SHPRH: variants seen among roughly 807,000 people sequenced by gnomAD.
SHPRH encodes SNF2 histone linker PHD RING helicase.
A neutral mutation model predicts 202.5 loss-of-function variants in SHPRH; 106 were observed. That is an observed-to-expected ratio of 0.52 (90% CI 0.45 to 0.62). The LOEUF (loss-of-function observed/expected upper bound fraction) is 0.62, where lower values mean the gene tolerates loss of function less well. SHPRH is among the 20% of genes least tolerant of loss of function. SHPRH has a pLI of 0.00. For missense variants in SHPRH, 1,710 were observed against 2,020.0 expected, an observed-to-expected ratio of 0.85 and a Z score of 2.94; for synonymous variants, 729 against 686.0, an observed-to-expected ratio of 1.06 and a Z score of -0.98.
chr6:145,947,677 G>C (rs780219642), intron 5 of SHPRH, 34 bp from the exon 6 acceptor site: 1 of 1,605,582 alleles, frequency 6.2e-7, no homozygotes, highest in African/African-American at 1.3e-5. Context: ...CACATCATAG[G>C]AATGTGAATA....
chr6:145,943,634 A>G lies in SHPRH; in HGVS notation c.1747T>C (p.Ser583Pro). ...GGTTGACTTTTTCCTTTTTTTGTGG[A>G]TGGAACAAGCTTTTTCCTCAATTTA... The part of the protein sequence containing the change: ...RSKLRKKLVP[S>P]TKKGKSQPFI... The change falls in exon 9 of 30, where the codon TCC becomes CCC. Residue 583 changes from serine to proline, a missense_variant. Coordinates refer to ENST00000275233, the MANE Select transcript of SHPRH (RefSeq NM_001042683.3). 11 of 1,613,774 alleles carry G rather than the reference A, an allele frequency of 6.8e-6. No individual in the cohort carries two copies. The highest frequency in any genetic ancestry group is 8.5e-6 in the Non-Finnish European group (10 of 1,179,852).
chr6:145,887,364 C>T (rs1265312537), intron 29 of SHPRH, among the ~76,000 whole-genome samples: 1 of 151,894 alleles, frequency 6.6e-6, no homozygotes, highest in Admixed American at 6.6e-5. Context: ...CTACCTACCT[C>T]CTAAAGATGT....
chr6:145,862,310 C>T (rs958164467), downstream of SHPRH, among the ~76,000 whole-genome samples: 9 of 151,876 alleles, frequency 5.9e-5, no homozygotes, highest in African/African-American at 1.4e-4. Flanking sequence ...AAAAATTAGC[C>T]GGGCGCGGTG....
At position 145,950,471 on chromosome 6, in the gene SHPRH, C is replaced by G; in HGVS notation, c.775G>C (p.Glu259Gln). ...TCACTCTCCGGATCATCTTCATCCT[C>G]TTCCAACACATCTGTACATCACACA... ...HNSIIPDVLE[E>Q]DEDDPESEPE... Residue 259 changes from glutamate (E) to glutamine (Q), a missense_variant, in exon 4 of 30, where the codon GAG becomes CAG. By Grantham distance (29) the Glu-to-Gln change is conservative. Transcript: ENST00000275233. The G allele has an allele frequency of 6.2e-7, 1 of 1,612,816 alleles. No homozygotes were observed. Among genetic ancestry groups the G allele is most frequent in the African/African-American group, 1.3e-5 (1 of 74,958 alleles).
chr6:145,928,662 G>A (rs1175117140), intron 14 of SHPRH, among the ~76,000 whole-genome samples: 1 of 151,854 alleles, frequency 6.6e-6, no homozygotes, highest in African/African-American at 2.4e-5. Flanking sequence ...CCCTTTTTAA[G>A]TGTGTAGTTC....
downstream of SHPRH, among the ~76,000 whole-genome samples, chr6:145,862,875 T>C (rs1779630648): frequency 6.6e-6 from 1 of 152,212 alleles, no homozygotes; most frequent in African/African-American, 2.4e-5. Context: ...AGGTATAAGG[T>C]TACTTCTTTT....
At chr6:145,949,480 T>C (rs1197284564) in intron 4 of SHPRH, among the ~76,000 whole-genome samples, 2 of 151,998 alleles carry the variant, frequency 1.3e-5, no homozygotes, top group Non-Finnish European at 2.9e-5. Flanking sequence ...GTGAAGTAAC[T>C]CTGGAACAGA....
intron 21 of SHPRH, among the ~76,000 whole-genome samples, chr6:145,920,801 T>C (rs1480683645): frequency 6.6e-6 from 1 of 152,058 alleles, no homozygotes; most frequent in Non-Finnish European, 1.5e-5. Flanking sequence ...TGTTCCCCAA[T>C]CTTTAAGGTA....
intron 14 of SHPRH, among the ~76,000 whole-genome samples, chr6:145,929,175 A>T (rs1175027821): frequency 1.3e-5 from 2 of 151,960 alleles, no homozygotes; most frequent in African/African-American, 4.8e-5. Flanking sequence ...ATTAAAAAAA[A>T]ACCCATATTC....
At position 145,926,204 on chromosome 6, in the gene SHPRH, C is replaced by G; in HGVS notation, c.3294G>C (p.Glu1098Asp). Residue 1098 changes from glutamate (E) to aspartate (D), a missense_variant and splice_region_variant, in exon 16 of 30, where the codon GAG becomes GAC. By Grantham distance (45) the Glu-to-Asp change is conservative (BLOSUM62 2). Coordinates refer to ENST00000275233, the MANE Select transcript of SHPRH (RefSeq NM_001042683.3). ...TAGACAGAATGAAAAAAATAATTAC[C>G]TCTTCCTCAAGTCGGCCATCACGCA... Reference protein sequence around the residue: ...PTLRDGRLEEEAKQLREHYMS... With the variant: ...PTLRDGRLEEDAKQLREHYMS... 6.2e-7 allele frequency: 1 copy of G among 1,612,106 alleles called. No individual in the cohort carries two copies. The highest frequency in any genetic ancestry group is 8.5e-7 in the Non-Finnish European group (1 of 1,178,780).
Position 145,886,357 on chromosome 6 carries a change from A to G in SHPRH, c.*334T>C. 1 of 628,158 alleles carries G rather than the reference A, an allele frequency of 1.6e-6. No individual in the cohort carries two copies. The highest frequency in any genetic ancestry group is 2.9e-6 in the Non-Finnish European group (1 of 346,194). The allele number at this position is 628,158 out of a possible 1,614,324, so 38.9% of individuals were successfully genotyped here. A position where few individuals can be genotyped will look rare whatever the true frequency, so the allele number is the denominator to read the frequency against. On this transcript the variant is annotated 3_prime_UTR_variant, in exon 30 of 30. Transcript: ENST00000275233. ...TAAAACTAGACTAGTTTACTTTCTT[A>G]TTCCAACTGTTTTATGAGTGATCTT...
intron 25 of SHPRH, chr6:145,903,248 GTTT>G (rs1257238659): frequency 6.6e-6 from 1 of 151,126 alleles, no homozygotes; most frequent in Non-Finnish European, 1.5e-5. Context: ...TTCATAATCA[GTTT>G]TTTTCACTCA....
rs1441807879 is a variant in SHPRH at position 145,920,473 on chromosome 6, G to A, written c.4008+694C>T. Among the ~76,000 whole-genome samples, 4 of 151,970 alleles carry A rather than the reference G, an allele frequency of 2.6e-5. No homozygotes were observed. In the East Asian group the frequency reaches 7.7e-4, roughly 29 times the overall value. On this transcript the variant is annotated intron_variant, in intron 21 of 29. Transcript: ENST00000275233. Reference sequence around the variant, plus strand: ...ATGTATTCCCCAATTTATGACATATGAACTGATAGTACAAATAACTATCTC... The same window carrying A: ...ATGTATTCCCCAATTTATGACATATAAACTGATAGTACAAATAACTATCTC...
chr6:145,933,911 C>T (rs117327892), intron 13 of SHPRH, among the ~76,000 whole-genome samples: 3,395 of 152,126 alleles, frequency 0.022, 49 homozygotes, highest in Admixed American at 0.032. Flanking sequence ...AAATATTTAA[C>T]GGTAATCTAA....
At chr6:145,955,513 T>A (rs951321204) in intron 1 of SHPRH, among the ~76,000 whole-genome samples, 159 bp from the exon 2 acceptor site, 3 of 152,222 alleles carry the variant, frequency 2.0e-5, no homozygotes, top group Admixed American at 1.3e-4. Context: ...CAGGTCATTA[T>A]GACTAAGGAA....
intron 6 of SHPRH, 120 bp from the exon 7 acceptor site, chr6:145,946,461 G>A (rs1412520578): frequency 2.9e-6 from 2 of 693,940 alleles, no homozygotes; most frequent in Non-Finnish European, 4.5e-6. Flanking sequence ...AATTGCAAGA[G>A]AAAGGGCCAA....
chr6:145,886,813 G>A (rs776675808), intron 29 of SHPRH, 26 bp from the exon 30 acceptor site: 2 of 1,603,258 alleles, frequency 1.2e-6, no homozygotes, highest in Non-Finnish European at 1.7e-6. Context: ...AATGAGCACA[G>A]TCAGAAAGAA....
chr6:145,927,458 C>T (rs995514751), intron 14 of SHPRH, 181 bp from the exon 15 acceptor site: 3 of 452,306 alleles, frequency 6.6e-6, no homozygotes, highest in Admixed American at 7.3e-5. Context: ...AGGCTGAGTA[C>T]AGTTCCTTTT....
chr6:145,927,737 G>T lies in SHPRH; in HGVS notation c.3113-460C>A, dbSNP rs141074804. Among the ~76,000 whole-genome samples the T allele has an allele frequency of 2.0e-3, 304 of 151,750 alleles. 1 individual carries two copies. The highest frequency in any genetic ancestry group is 7.0e-3 in the African/African-American group (292 of 41,458). ...ACACTCCAACCAACCCACACATAGC[G>T]ATCAGAAAAATATAGTATTCTTGGT... On this transcript the variant is annotated intron_variant, in intron 14 of 29. Transcript: ENST00000275233.
Sources: gnomAD v4.1 joint callset for allele counts (sites outside exome capture counted in the v4.1 genomes callset) on GRCh38, gnomAD v4.1.1 for gene constraint, MANE v1.5 for transcripts, NCBI Gene and HGNC (gene_info 2026-07-23, HGNC 2026-07-21) for gene names.